The following FGF13 variants were observed in gnomAD, a reference collection of about 807,000 sequenced individuals.
FGF13 encodes fibroblast growth factor homologous factor 2.
In FGF13, 2 loss-of-function variants were observed where a neutral mutation model predicts 19.5. The ratio of observed to expected loss-of-function variants is 0.10; its 90% CI spans 0.04 to 0.32. The LOEUF (loss-of-function observed/expected upper bound fraction) is 0.32, where lower values mean the gene tolerates loss of function less well. Ranked by LOEUF, FGF13 falls within the 10% of genes least tolerant of loss-of-function variation. The probability of loss-of-function intolerance (pLI) is 1.00; values close to 1 mark genes in which losing one functional copy is unlikely to be tolerated. For missense variants in FGF13, 113 were observed against 192.7 expected, an observed-to-expected ratio of 0.59 and a Z score of 2.45; for synonymous variants, 72 against 76.9, an observed-to-expected ratio of 0.94 and a Z score of 0.33.
chrX:138,858,583 C>G (rs751295047), intron 2 of FGF13, among the ~76,000 whole-genome samples: 1 of 111,030 alleles, frequency 9.0e-6, no homozygotes, highest in Admixed American at 9.6e-5. Flanking sequence ...TCTTTCACAC[C>G]CTTCCCAATG....
intron 1 of FGF13, among the ~76,000 whole-genome samples, chrX:139,086,961 G>A (rs1188505352): frequency 1.8e-5 from 2 of 112,302 alleles, no homozygotes; most frequent in Admixed American, 1.9e-4. Flanking sequence ...CATAGTCATA[G>A]AACGTCAGAA....
chrX:138,828,493 C>A (rs758962708), intron 3 of FGF13, among the ~76,000 whole-genome samples: 3 of 107,602 alleles, frequency 2.8e-5, no homozygotes, highest in Admixed American at 9.8e-5. Context: ...TGGCGTGAAC[C>A]CGGGAGGCGG....
intron 1 of FGF13, among the ~76,000 whole-genome samples, chrX:139,200,550 C>A (rs2084407385): frequency 8.9e-6 from 1 of 111,961 alleles, no homozygotes; most frequent in African/African-American, 3.3e-5. Context: ...GTCCAGCAGC[C>A]AGCATGAGCC....
chrX:139,109,105 T>C (rs1356771364), intron 1 of FGF13, among the ~76,000 whole-genome samples: 1 of 112,001 alleles, frequency 8.9e-6, no homozygotes, highest in Non-Finnish European at 1.9e-5. Flanking sequence ...GAGAATATTT[T>C]ATCACAAAAA....
chrX:138,788,130 A>G (rs1251589165), intron 3 of FGF13, among the ~76,000 whole-genome samples: 1 of 111,855 alleles, frequency 8.9e-6, no homozygotes, highest in Non-Finnish European at 1.9e-5. Flanking sequence ...ATTCTTCTCT[A>G]TTTATAAACT....
intron 1 of FGF13, among the ~76,000 whole-genome samples, chrX:139,055,469 TG>T (rs1365025600): frequency 8.9e-6 from 1 of 112,661 alleles, no homozygotes; most frequent in Non-Finnish European, 1.9e-5. Flanking sequence ...CTGGATGCAA[TG>T]GGTGTGGCAC....
At chrX:138,890,032 G>A (rs994462535) in intron 1 of FGF13, among the ~76,000 whole-genome samples, 6 of 109,179 alleles carry the variant, frequency 5.5e-5, no homozygotes, top group African/African-American at 1.0e-4. Context: ...GGGTTCAAGC[G>A]ATTCTCCTGC....
Position 139,078,273 on chromosome X carries a change from C to T in FGF13, c.-113+125143G>A, listed in dbSNP as rs956006446. ...CAGAAGATACTGGGCCCTCACTTCG[C>T]TGCAAATCAAGCATGCTAACACTTC... On this transcript the variant is annotated intron_variant, in intron 1 of 2. Transcript: ENST00000421460. 2.7e-5 allele frequency among the ~76,000 whole-genome samples: 3 copies of T among 109,757 alleles called. No homozygotes were observed. The East Asian group carries it at 8.8e-4, about 32-fold the overall frequency.
At chrX:139,093,814 G>C (rs2083453639) in intron 1 of FGF13, among the ~76,000 whole-genome samples, 1 of 111,895 alleles carries the variant, frequency 8.9e-6, no homozygotes, top group Admixed American at 9.5e-5. Context: ...ATATAACTGA[G>C]CCCTCCAATA....
intron 1 of FGF13, among the ~76,000 whole-genome samples, chrX:138,955,729 G>T (rs767299745): frequency 1.8e-5 from 2 of 112,127 alleles, no homozygotes; most frequent in South Asian, 7.5e-4. Flanking sequence ...TTTGTCAGAT[G>T]AACTATCTTT....
intron 1 of FGF13, among the ~76,000 whole-genome samples, chrX:138,964,982 C>T (rs770510858): frequency 8.3e-4 from 93 of 111,928 alleles, no homozygotes; most frequent in African/African-American, 2.8e-3. Context: ...TTCCAGGAGA[C>T]AAGTACAATA....
upstream of FGF13, among the ~76,000 whole-genome samples, chrX:139,204,444 C>T (rs914914380): frequency 8.9e-6 from 1 of 112,686 alleles, no homozygotes; most frequent in Non-Finnish European, 1.9e-5. Flanking sequence ...AGCTTCTGCC[C>T]GCCTGCGGAG....
intron 1 of FGF13, among the ~76,000 whole-genome samples, chrX:138,892,002 A>ATGTGTGTGTGTGTGTG (rs3077315): frequency 2.2e-5 from 2 of 90,369 alleles, no homozygotes; most frequent in African/African-American, 4.2e-5. Context: ...ATATATACAT[A>ATGTGTGTGTGTGTGTG]TGTGTGTGTG....
intron 3 of FGF13, among the ~76,000 whole-genome samples, chrX:138,801,998 G>T (rs1319714278): frequency 1.8e-5 from 2 of 112,476 alleles, no homozygotes; most frequent in Non-Finnish European, 3.8e-5. Context: ...TCAAGCCAGT[G>T]GTTCTTAGCT....
At chrX:139,191,997 G>A (rs1175675383) in intron 1 of FGF13, among the ~76,000 whole-genome samples, 1 of 111,917 alleles carries the variant, frequency 8.9e-6, no homozygotes, top group Non-Finnish European at 1.9e-5. Context: ...CCGAGGCTTT[G>A]AAATTCTCCT....
chrX:138,731,436 T>C (rs1383626933), intron 1 of FGF13, among the ~76,000 whole-genome samples: 2 of 102,076 alleles, frequency 2.0e-5, no homozygotes, highest in African/African-American at 7.1e-5. Flanking sequence ...TATATCTAAA[T>C]AAGTCATGAG....
chrX:139,125,300 G>A (rs1382970559), intron 1 of FGF13, among the ~76,000 whole-genome samples: 2 of 111,932 alleles, frequency 1.8e-5, no homozygotes, highest in Non-Finnish European at 3.8e-5. Context: ...GAAAAAAACT[G>A]TTGTCACTAA....
chrX:138,929,616 A>G lies in FGF13; in HGVS notation c.-112-64966T>C, dbSNP rs1224156800. ...ATTCCTCACTCTGTCCCTAGCACTT[A>G]GCAAATAAGAGGCCCTCAACAACTA... On this transcript the variant is annotated intron_variant, in intron 1 of 2. Transcript: ENST00000421460. Among the ~76,000 whole-genome samples, 9 of 111,292 alleles carry G rather than the reference A, an allele frequency of 8.1e-5. No homozygotes were observed. The Admixed American group carries it at 8.6e-4, about 11-fold the overall frequency.
intron 1 of FGF13, among the ~76,000 whole-genome samples, chrX:138,709,987 AGT>A (rs2090026752): frequency 9.0e-6 from 1 of 111,287 alleles, no homozygotes; most frequent in Non-Finnish European, 1.9e-5. Context: ...GGCAGAAAAG[AGT>A]GTAAAAGATT....
Sources: allele counts gnomAD v4.1 joint callset (sites outside exome capture counted in the v4.1 genomes callset), GRCh38; gene constraint gnomAD v4.1.1; transcripts MANE v1.5; gene names NCBI Gene and HGNC (gene_info 2026-07-23, HGNC 2026-07-21).